CCND3: variants seen among roughly 807,000 people sequenced by gnomAD.
The protein encoded by CCND3 is cyclin D3.
In CCND3, 9 loss-of-function variants were observed where a neutral mutation model predicts 28.7. The ratio of observed to expected loss-of-function variants is 0.31; its 90% CI spans 0.19 to 0.55. CCND3 has a LOEUF of 0.55. Among genes scored for constraint, CCND3 ranks in the 20% least tolerant of loss-of-function variants. The probability of loss-of-function intolerance (pLI) is 0.93; values close to 1 mark genes in which losing one functional copy is unlikely to be tolerated. For missense variants in CCND3, 315 were observed against 385.8 expected, an observed-to-expected ratio of 0.82 and a Z score of 1.54; for synonymous variants, 164 against 163.9, an observed-to-expected ratio of 1.00 and a Z score of 0.00.
rs777320361 is a variant in CCND3 at position 41,936,046 on chromosome 6, G to A, written c.773C>T (p.Ala258Val). 6.2e-5 allele frequency: 100 copies of A among 1,612,840 alleles called. No individual in the cohort carries two copies. Among genetic ancestry groups the A allele is most frequent in the Non-Finnish European group, 8.2e-5 (97 of 1,179,452 alleles). The change falls in exon 5 of 5, where the codon GCC becomes GTC. Residue 258 changes from alanine to valine, a missense_variant. Ala to Val is a moderately conservative substitution (Grantham distance 64). Transcript: ENST00000372991. This position sits in a 1 kb window ranked among gnomAD's most constrained non-coding sequence, Gnocchi z 4.4. ...EAALRESLRE[A>V]SQTSSSPAPK... ...CGCTGGGCTGGAGCTGGTCTGAGAG[G>A]CTTCCCTGAGGCTCTCCCTGAGTGC...
chr6:42,044,451 G>A (rs769586576), intron 1 of CCND3, among the ~76,000 whole-genome samples: 177 of 152,314 alleles, frequency 1.2e-3, no homozygotes, highest in Middle Eastern at 3.4e-3. Context: ...AGCAAAGAAT[G>A]ACATAGAAGA....
At chr6:41,981,430 C>G (rs1762342921) in intron 1 of CCND3, among the ~76,000 whole-genome samples, 1 of 151,982 alleles carries the variant, frequency 6.6e-6, no homozygotes, top group Non-Finnish European at 1.5e-5. Flanking sequence ...GTCTGGAGCT[C>G]CTGACCTCGT....
At chr6:41,958,000 C>CTTTTTTTT (rs536258560) in intron 1 of CCND3, among the ~76,000 whole-genome samples, 6 of 127,016 alleles carry the variant, frequency 4.7e-5, no homozygotes, top group African/African-American at 9.0e-5. Flanking sequence ...TTATCTTTAT[C>CTTTTTTTT]TTTTTTTTTT....
chr6:42,013,848 C>A (rs1174313749), intron 1 of CCND3, among the ~76,000 whole-genome samples: 1 of 150,784 alleles, frequency 6.6e-6, no homozygotes, highest in South Asian at 2.1e-4. Context: ...CCGAGGCAGG[C>A]GGATCACGAG....
At chr6:41,967,775 A>C (rs1038923309) in intron 1 of CCND3, among the ~76,000 whole-genome samples, 1 of 152,194 alleles carries the variant, frequency 6.6e-6, no homozygotes, top group African/African-American at 2.4e-5. Context: ...GAACCTGTTA[A>C]CTATGCAGCT....
intron 1 of CCND3, among the ~76,000 whole-genome samples, chr6:41,995,274 G>A (rs903356848): frequency 6.6e-6 from 1 of 151,904 alleles, no homozygotes; most frequent in East Asian, 1.9e-4. Context: ...TTTGTGGGGG[G>A]TGGGGTGCAG....
intron 1 of CCND3, among the ~76,000 whole-genome samples, chr6:41,952,750 C>A (rs764734879): frequency 6.6e-6 from 1 of 152,098 alleles, no homozygotes; most frequent in Non-Finnish European, 1.5e-5. Flanking sequence ...CAATCAAATG[C>A]CAGAGCCCAC....
intron 1 of CCND3, 56 bp from the exon 2 acceptor site, chr6:41,940,641 G>C (rs376661912): frequency 7.3e-6 from 9 of 1,238,906 alleles, no homozygotes; most frequent in Non-Finnish European, 1.1e-5. Flanking sequence ...CACAGCAGCG[G>C]GGGGGTGGGA....
At position 41,936,045 on chromosome 6, in the gene CCND3, G is replaced by A. The variant is rs3218102; in HGVS notation, c.774C>T (p.Ala258=). ...GCGCTGGGCTGGAGCTGGTCTGAGA[G>A]GCTTCCCTGAGGCTCTCCCTGAGTG... The part of the protein sequence containing the change: ...EAALRESLRE[A]SQTSSSPAPK... The change falls in exon 5 of 5, where the codon GCC becomes GCT. Residue 258 remains alanine, a synonymous_variant. Coordinates refer to ENST00000372991, the MANE Select transcript of CCND3 (RefSeq NM_001760.5). This position sits in a 1 kb window ranked among gnomAD's most constrained non-coding sequence, Gnocchi z 4.4. 0.031 allele frequency: 49,288 copies of A among 1,612,906 alleles called. 1,670 individuals are homozygous for A. The highest frequency in any genetic ancestry group is 0.15 in the Admixed American group (9,255 of 59,862).
In CCND3 at chr6:41,936,311, A is replaced by C; in HGVS notation, c.712-204T>G. ...GAGAGCAGCCCTGCATCTGACACCA[A>C]ACCCCCCACCCCCACTCCAGCACAC... On this transcript the variant is annotated intron_variant, in intron 4 of 4. Coordinates refer to ENST00000372991, the MANE Select transcript of CCND3 (RefSeq NM_001760.5). This position sits in a 1 kb window ranked among gnomAD's most constrained non-coding sequence, Gnocchi z 4.4. 1 of 664,320 alleles carries C rather than the reference A, an allele frequency of 1.5e-6. No homozygotes were observed. Among genetic ancestry groups the C allele is most frequent in the Non-Finnish European group, 2.5e-6 (1 of 400,024 alleles). The allele number at this position is 664,320 out of a possible 1,614,324, so 41.2% of individuals were successfully genotyped here.
intron 1 of CCND3, among the ~76,000 whole-genome samples, chr6:42,014,044 C>T (rs756674293): frequency 4.1e-5 from 6 of 147,748 alleles, no homozygotes; most frequent in Non-Finnish European, 8.9e-5. Context: ...TGCACTCCAG[C>T]CTGACAACAG....
At chr6:42,027,046 G>A (rs1763895983) in intron 1 of CCND3, among the ~76,000 whole-genome samples, 1 of 152,142 alleles carries the variant, frequency 6.6e-6, no homozygotes, top group African/African-American at 2.4e-5. Flanking sequence ...GATGCTGATG[G>A]GTAAAGGCGT....
intron 1 of CCND3, among the ~76,000 whole-genome samples, chr6:41,992,493 G>T (rs1310836366): frequency 9.7e-6 from 1 of 103,054 alleles, no homozygotes; most frequent in African/African-American, 3.8e-5. Context: ...ATGGAGTCTT[G>T]CTCTGTGCCA....
At chr6:41,948,190 C>T (rs542671689) in intron 1 of CCND3, among the ~76,000 whole-genome samples, 2 of 152,166 alleles carry the variant, frequency 1.3e-5, no homozygotes, top group Admixed American at 1.3e-4. Flanking sequence ...TGCTCTTTCC[C>T]TGCTTTATTT....
chr6:41,950,955 G>A lies in CCND3; in HGVS notation c.-45-10370C>T, dbSNP rs900081256. On this transcript the variant is annotated intron_variant, in intron 1 of 4. Coordinates refer to the CCND3 transcript ENST00000372988. The stretch of plus-strand genomic sequence containing the variant: ...GATCTCCTGACCTCGTGATCCGCCC[G>A]CCTCGGCCTCCCAAAGTGCTGGGAT... 6.6e-5 allele frequency among the ~76,000 whole-genome samples: 10 copies of A among 151,878 alleles called. No homozygotes were observed. The East Asian group carries it at 9.8e-4, about 15-fold the overall frequency.
rs538636622 is a variant in CCND3 at position 42,009,398 on chromosome 6, G to A, written c.-46+39103C>T. 2.6e-5 allele frequency among the ~76,000 whole-genome samples: 4 copies of A among 152,272 alleles called. No individual in the cohort carries two copies. The South Asian group carries it at 8.3e-4, about 32-fold the overall frequency. On this transcript the variant is annotated intron_variant, in intron 1 of 4. Transcript: ENST00000372988. ...AGGCCGAGGCTGGTGGGTCACCTGA[G>A]GTCAGGAGTTCAAGACCAGCCTGGC... is the stretch of plus-strand genomic sequence containing the variant.
chr6:42,023,901 A>G (rs1763787839), intron 1 of CCND3, among the ~76,000 whole-genome samples: 1 of 152,204 alleles, frequency 6.6e-6, no homozygotes, highest in African/African-American at 2.4e-5. Context: ...TTGGGGCCTA[A>G]AAGTTTTGCC....
chr6:41,972,408 T>TATACTA (rs1762059352), intron 1 of CCND3, among the ~76,000 whole-genome samples: 2 of 152,084 alleles, frequency 1.3e-5, no homozygotes, highest in Non-Finnish European at 2.9e-5. Context: ...TACTACATCA[T>TATACTA]GAAGGCTGCA....
intron 1 of CCND3, among the ~76,000 whole-genome samples, chr6:42,042,058 C>T (rs1211673303): frequency 6.6e-6 from 1 of 152,196 alleles, no homozygotes. Context: ...CTGGGACAGC[C>T]CCAGCTTCAA....
Sources: allele counts gnomAD v4.1 joint callset (sites outside exome capture counted in the v4.1 genomes callset), GRCh38; gene constraint gnomAD v4.1.1; non-coding constraint Gnocchi (gnomAD v3.1); transcripts MANE v1.5; gene names NCBI Gene and HGNC (gene_info 2026-07-23, HGNC 2026-07-21).